SLC30A8: variants seen among roughly 807,000 people sequenced by gnomAD.
The protein encoded by SLC30A8 is solute carrier family 30 member 8, also known as proton-coupled zinc antiporter SLC30A8.
A neutral mutation model predicts 36.9 loss-of-function variants in SLC30A8; 27 were observed. The observed-to-expected ratio is 0.73, with a 90% CI of 0.54 to 1.01. The LOEUF is 1.01. Ranked by LOEUF, SLC30A8 falls within the 50% of genes least tolerant of loss-of-function variation. The pLI is 0.00. For missense variants in SLC30A8, 439 were observed against 452.0 expected (o/e 0.97, Z 0.26); for synonymous variants, 164 against 172.4 (o/e 0.95, Z 0.38).
At chr8:117,070,530 T>C (rs140051306) in intron 2 of SLC30A8, among the ~76,000 whole-genome samples, 197 of 152,350 alleles carry the variant, frequency 1.3e-3, no homozygotes, top group African/African-American at 4.7e-3. Context: ...ACATTCTATT[T>C]ATTGGTTAAA....
Position 116,973,568 on chromosome 8 carries a change from G to A in SLC30A8, c.-266+22449G>A, listed in dbSNP as rs567316508. ...ACAAACAAATGGAAGAACATTCCAT[G>A]CTCATGGGTAGGAAGAATCAATATT... On this transcript the variant is annotated intron_variant, in intron 1 of 10. Transcript: ENST00000427715. Among the ~76,000 whole-genome samples the A allele has an allele frequency of 6.8e-4, 103 of 152,266 alleles. 1 individual carries two copies. The highest frequency in any genetic ancestry group is 2.3e-3 in the African/African-American group (95 of 41,542).
At chr8:117,078,467 A>AT (rs145878977) in intron 2 of SLC30A8, among the ~76,000 whole-genome samples, 4,859 of 150,200 alleles carry the variant, frequency 0.032, 162 homozygotes, top group African/African-American at 0.089. Flanking sequence ...TACTTTCTAG[A>AT]TTTTTTTTTT....
chr8:117,115,747 G>A (rs1449331383), intron 2 of SLC30A8, among the ~76,000 whole-genome samples: 1 of 152,016 alleles, frequency 6.6e-6, no homozygotes, highest in East Asian at 1.9e-4. Context: ...CTTCAGAGTG[G>A]GTAGGGAAGG....
chr8:117,046,055 A>G (rs1202953937), intron 2 of SLC30A8, among the ~76,000 whole-genome samples: 1 of 152,016 alleles, frequency 6.6e-6, no homozygotes, highest in African/African-American at 2.4e-5. Context: ...AGAAAGCCTT[A>G]GGAATGAGCA....
intron 2 of SLC30A8, among the ~76,000 whole-genome samples, chr8:117,127,804 T>G (rs1011971881): frequency 3.9e-5 from 6 of 152,070 alleles, no homozygotes; most frequent in African/African-American, 1.4e-4. Flanking sequence ...TGGAGGTATT[T>G]ACTTTTTTCC....
intron 2 of SLC30A8, among the ~76,000 whole-genome samples, chr8:117,120,857 A>G (rs1169335570): frequency 6.6e-6 from 1 of 151,830 alleles, no homozygotes; most frequent in African/African-American, 2.4e-5. Flanking sequence ...AATATATTCA[A>G]AGGGCCAATA....
chr8:117,077,067 T>A (rs1187634893), intron 2 of SLC30A8, among the ~76,000 whole-genome samples: 1 of 152,186 alleles, frequency 6.6e-6, no homozygotes, highest in African/African-American at 2.4e-5. Flanking sequence ...GCAAAGTTAT[T>A]AGCAAATGTA....
intron 4 of SLC30A8, among the ~76,000 whole-genome samples, chr8:117,160,117 T>C (rs1296980393): frequency 6.6e-6 from 1 of 152,184 alleles, no homozygotes; most frequent in African/African-American, 2.4e-5. Context: ...TATAGAGATA[T>C]CGGAATTGCG....
At chr8:117,128,386 C>T (rs1297692184) in intron 2 of SLC30A8, 6 of 152,046 alleles carry the variant, frequency 3.9e-5, no homozygotes, top group African/African-American at 1.4e-4. Flanking sequence ...TTATAGTCAC[C>T]AGACTGCTGT....
intron 1 of SLC30A8, chr8:117,007,035 A>T (rs537314120): frequency 1.6e-5 from 2 of 126,828 alleles, no homozygotes; most frequent in South Asian, 4.8e-4. Flanking sequence ...TGAACTCCTG[A>T]CCTCAAGTGA....
rs188758189 is a variant in SLC30A8, at chr8:117,057,966, A to G, written c.-226+18708A>G. Among the ~76,000 whole-genome samples, 3 of 152,274 alleles carry G rather than the reference A, an allele frequency of 2.0e-5. No individual in the cohort carries two copies. In the East Asian group the frequency reaches 5.8e-4, roughly 29 times the overall value. ...TTTTAATTTTTTGAGGAAATTCCAT[A>G]CTGTTTTTCATAGTGGCTATGCCAA... On this transcript the variant is annotated intron_variant, in intron 2 of 10. Transcript: ENST00000427715.
intron 2 of SLC30A8, among the ~76,000 whole-genome samples, chr8:117,071,820 C>A (rs1396407999): frequency 6.6e-6 from 1 of 152,100 alleles, no homozygotes; most frequent in African/African-American, 2.4e-5. Flanking sequence ...TAACTGTATA[C>A]TAGATTTACC....
intron 1 of SLC30A8, among the ~76,000 whole-genome samples, chr8:116,964,362 AGAT>A (rs779947977): frequency 6.6e-6 from 1 of 152,262 alleles, no homozygotes; most frequent in African/African-American, 2.4e-5. Context: ...GTGGCTGAAC[AGAT>A]GATGTTTGCC....
chr8:117,147,370 G>A lies in SLC30A8; in HGVS notation c.271+217G>A, dbSNP rs927099006. 2.0e-5 allele frequency among the ~76,000 whole-genome samples: 3 copies of A among 152,262 alleles called. No individual in the cohort carries two copies. In the East Asian group the frequency reaches 5.8e-4, roughly 29 times the overall value. ...CTATAGCCTTCAATAATTTTAGGGA[G>A]TGTTTTGTACAATGCATTTTGTATT... On this transcript the variant is annotated intron_variant, in intron 2 of 7. Transcript: ENST00000456015.
intron 2 of SLC30A8, among the ~76,000 whole-genome samples, chr8:117,114,232 A>G (rs186510426): frequency 1.3e-5 from 2 of 152,210 alleles, no homozygotes; most frequent in African/African-American, 4.8e-5. Flanking sequence ...AGGAATAATT[A>G]TTAGATGAAA....
intron 4 of SLC30A8, among the ~76,000 whole-genome samples, chr8:117,160,739 A>C (rs536864357): frequency 3.9e-4 from 60 of 152,328 alleles, no homozygotes; most frequent in Non-Finnish European, 7.1e-4. Flanking sequence ...GGTGAGAGTG[A>C]ATTTCTACCC....
chr8:116,987,924 C>A (rs1006846671), intron 1 of SLC30A8, among the ~76,000 whole-genome samples: 1 of 152,242 alleles, frequency 6.6e-6, no homozygotes, highest in Non-Finnish European at 1.5e-5. Context: ...GTCTCGAACT[C>A]CTGACCTCAA....
chr8:117,104,548 C>T (rs1177567919), intron 2 of SLC30A8, among the ~76,000 whole-genome samples: 1 of 152,146 alleles, frequency 6.6e-6, no homozygotes, highest in Admixed American at 6.6e-5. Context: ...AATTTCCCTA[C>T]AGTCCTCCTT....
intron 1 of SLC30A8, among the ~76,000 whole-genome samples, chr8:116,976,313 T>A (rs1815008092): frequency 6.6e-6 from 1 of 150,812 alleles, no homozygotes; most frequent in African/African-American, 2.4e-5. Context: ...ACCTACAGGG[T>A]GTGTCACTGA....
Sources: allele counts gnomAD v4.1 joint callset (sites outside exome capture counted in the v4.1 genomes callset), GRCh38; gene constraint gnomAD v4.1.1; transcripts MANE v1.5; gene names NCBI Gene and HGNC (gene_info 2026-07-23, HGNC 2026-07-21).